Variants in CPT1A observed in about 807,000 individuals in gnomAD.
The protein encoded by CPT1A is carnitine palmitoyltransferase 1A.
CPT1A carries 64 observed loss-of-function variants against 100.8 expected under a neutral mutation model. The ratio of observed to expected loss-of-function variants is 0.63; its 90% confidence interval spans 0.52 to 0.78. The LOEUF (loss-of-function observed/expected upper bound fraction) is 0.78. CPT1A is among the 30% of genes least tolerant of loss of function. The pLI, the probability that CPT1A is intolerant of heterozygous loss-of-function variation, is 0.00. For synonymous variants in CPT1A, 363 were observed against 396.0 expected (o/e 0.92, Z 0.99); for missense variants, 802 against 1,034.1 (o/e 0.78, Z 3.08).
At chr11:68,830,693 C>T (rs904992120) in intron 1 of CPT1A, among the ~76,000 whole-genome samples, 1 of 152,234 alleles carries the variant, frequency 6.6e-6, no homozygotes, top group African/African-American at 2.4e-5. Flanking sequence ...TTGACCTATG[C>T]CACTAACTGG....
chr11:68,813,738 C>T (rs887148020), intron 2 of CPT1A, among the ~76,000 whole-genome samples: 1 of 151,356 alleles, frequency 6.6e-6, no homozygotes, highest in Non-Finnish European at 1.5e-5. Flanking sequence ...GGGAGAACAA[C>T]ATTCCCACTG....
intron 1 of CPT1A, among the ~76,000 whole-genome samples, chr11:68,839,338 G>C (rs1037217366): frequency 6.6e-6 from 1 of 152,194 alleles, no homozygotes; most frequent in African/African-American, 2.4e-5. Flanking sequence ...CAGCAACTGC[G>C]GCTTCGCGCC....
intron 5 of CPT1A, 96 bp from the exon 6 acceptor site, chr11:68,799,451 C>T: frequency 7.1e-7 from 1 of 1,404,862 alleles, no homozygotes; most frequent in Non-Finnish European, 1.0e-6. Flanking sequence ...AGTTCTAACA[C>T]ATTGAAAAGG....
At chr11:68,787,817 A>G (rs1566359512) in intron 9 of CPT1A, among the ~76,000 whole-genome samples, 1 of 151,456 alleles carries the variant, frequency 6.6e-6, no homozygotes, top group Admixed American at 6.6e-5. Flanking sequence ...GGTGGCGGAC[A>G]CCTGTAGTCC....
intron 14 of CPT1A, among the ~76,000 whole-genome samples, chr11:68,768,923 A>T (rs1375179857): frequency 6.6e-6 from 1 of 152,114 alleles, no homozygotes; most frequent in South Asian, 2.1e-4. Context: ...CACCCTCACC[A>T]ACATGAAAAA....
chr11:68,816,808 ATGTGTGTGTGGTG>A (rs1856410702), intron 1 of CPT1A, among the ~76,000 whole-genome samples: 1 of 119,700 alleles, frequency 8.4e-6, no homozygotes, highest in South Asian at 3.1e-4. Context: ...TGTGTGTGGT[ATGTGTGTGTGGTG>A]TGTGTGGTGT....
rs181050225 is a variant in CPT1A, at chr11:68,838,014, G to A, written c.-14+3761C>T. Among the ~76,000 whole-genome samples, 16 of 152,174 alleles carry A rather than the reference G, an allele frequency of 1.1e-4. No individual in the cohort carries two copies. In the East Asian group the frequency reaches 2.1e-3, roughly 20 times the overall value. On this transcript the variant is annotated intron_variant, in intron 1 of 18. Transcript: ENST00000265641. ...CAGGAAGAATGCAGGCTGGCTCTCC[G>A]GCTCCTGGGCTGGGTACCACAAACC...
At chr11:68,808,333 T>A (rs975501657) in intron 3 of CPT1A, among the ~76,000 whole-genome samples, 2 of 151,940 alleles carry the variant, frequency 1.3e-5, no homozygotes, top group Non-Finnish European at 2.9e-5. Context: ...TAGTATATAT[T>A]ATGGTAAAGA....
chr11:68,772,245 C>T (rs1350087359), intron 14 of CPT1A, among the ~76,000 whole-genome samples: 2 of 152,054 alleles, frequency 1.3e-5, no homozygotes, highest in Admixed American at 6.6e-5. Context: ...CCCAGCTACT[C>T]GGGAGGCTGA....
At chr11:68,801,559 G>C (rs752667788) in intron 5 of CPT1A, among the ~76,000 whole-genome samples, 1 of 151,630 alleles carries the variant, frequency 6.6e-6, no homozygotes, top group Non-Finnish European at 1.5e-5. Flanking sequence ...GAACTTGGGA[G>C]ATAGAGGCTG....
chr11:68,837,020 T>C (rs1469921748), intron 1 of CPT1A, among the ~76,000 whole-genome samples: 2 of 152,318 alleles, frequency 1.3e-5, no homozygotes, highest in East Asian at 1.9e-4. Flanking sequence ...ATTTCAGTGA[T>C]AGCATATGAC....
chr11:68,789,232 A>G (rs1246800276), intron 9 of CPT1A, among the ~76,000 whole-genome samples: 1 of 152,174 alleles, frequency 6.6e-6, no homozygotes, highest in Non-Finnish European at 1.5e-5. Flanking sequence ...CCCTTAAGAT[A>G]AGTCTATACC....
chr11:68,780,346 G>A lies in CPT1A; in HGVS notation c.1458+294C>T, dbSNP rs560912005. ...CGCCCAGGCCGGAGTGCAGTGGCAC[G>A]ATCTCGGCTCACTGCAACCTCTGTC... On this transcript the variant is annotated intron_variant, in intron 12 of 18. Transcript: ENST00000265641. 6.6e-5 allele frequency among the ~76,000 whole-genome samples: 10 copies of A among 152,282 alleles called. No individual in the cohort carries two copies. The East Asian group carries it at 1.7e-3, about 26-fold the overall frequency.
chr11:68,809,043 C>T (rs1474370994), intron 3 of CPT1A, among the ~76,000 whole-genome samples: 1 of 147,768 alleles, frequency 6.8e-6, no homozygotes, highest in Non-Finnish European at 1.5e-5. Flanking sequence ...AAAAGAAAAC[C>T]ACTAATTTAA....
intron 4 of CPT1A, among the ~76,000 whole-genome samples, chr11:68,806,230 T>C (rs1251642625): frequency 2.6e-5 from 4 of 152,096 alleles, no homozygotes; most frequent in East Asian, 1.9e-4. Context: ...CTTTTTGCCA[T>C]GTTCCCCAGG....
In CPT1A at chr11:68,817,142, G is replaced by T. The variant is rs561282221; in HGVS notation, c.-13-1655C>A. Among the ~76,000 whole-genome samples, 6 of 127,700 alleles carry T rather than the reference G, an allele frequency of 4.7e-5. No individual in the cohort carries two copies. The East Asian group carries it at 9.3e-4, about 20-fold the overall frequency. 83.8% of individuals were successfully genotyped at this position (127,700 alleles called of 152,430 possible). On this transcript the variant is annotated intron_variant, in intron 1 of 18. Coordinates refer to ENST00000265641, the MANE Select transcript of CPT1A (RefSeq NM_001876.4). ...GTGTGGTGATGTGTGGTTGTGTGGG[G>T]GTGTGTGTGTCTGTGTGTGTGTGTG... is the stretch of plus-strand genomic sequence containing the variant.
intron 6 of CPT1A, 29 bp from the exon 7 acceptor site, chr11:68,796,962 G>T (rs763384226): frequency 9.9e-6 from 16 of 1,608,330 alleles, no homozygotes; most frequent in Admixed American, 1.7e-5. Flanking sequence ...AGACAAACCC[G>T]CAGGCTCAGC....
chr11:68,833,399 T>C (rs181883841), intron 1 of CPT1A, among the ~76,000 whole-genome samples: 8 of 152,400 alleles, frequency 5.2e-5, no homozygotes, highest in Non-Finnish European at 7.3e-5. Flanking sequence ...ATTGCAGATA[T>C]GCACATCTGT....
chr11:68,795,770 C>T (rs1855739754), intron 7 of CPT1A, among the ~76,000 whole-genome samples: 1 of 151,706 alleles, frequency 6.6e-6, no homozygotes, highest in Non-Finnish European at 1.5e-5. Context: ...ATTAGCCGGG[C>T]GTTGTGGCAG....
Sources: allele counts gnomAD v4.1 joint callset (sites outside exome capture counted in the v4.1 genomes callset), GRCh38; gene constraint gnomAD v4.1.1; transcripts MANE v1.5; gene names NCBI Gene and HGNC (gene_info 2026-07-23, HGNC 2026-07-21).